Variants in GOLIM4 observed in about 807,000 individuals in gnomAD.
GOLIM4 encodes golgi integral membrane protein 4, also known as 130 kDa golgi-localized phosphoprotein.
Under a neutral mutation model 107.4 loss-of-function variants are expected in GOLIM4, and 71 were observed. The ratio of observed to expected loss-of-function variants is 0.66; its 90% CI spans 0.55 to 0.81. The LOEUF (loss-of-function observed/expected upper bound fraction) is 0.81. GOLIM4 is among the 30% of genes least tolerant of loss of function. The pLI is 0.00. For missense variants in GOLIM4, 830 were observed against 826.1 expected (o/e 1.00, Z -0.06); for synonymous variants, 327 against 294.8 (o/e 1.11, Z -1.12).
At chr3:168,085,625 A>G (rs186988473) in intron 1 of GOLIM4, among the ~76,000 whole-genome samples, 128 of 152,292 alleles carry the variant, frequency 8.4e-4, no homozygotes, top group Admixed American at 1.4e-3. Context: ...AAGCAGGCTG[A>G]GAAAACCACT....
At chr3:168,044,499 G>T (rs1263200142) in intron 4 of GOLIM4, among the ~76,000 whole-genome samples, 1 of 152,026 alleles carries the variant, frequency 6.6e-6, no homozygotes, top group Non-Finnish European at 1.5e-5. Context: ...TAAGATAAAA[G>T]AAAATGTCTA....
At chr3:168,056,030 G>C (rs1719946666) in intron 1 of GOLIM4, among the ~76,000 whole-genome samples, 1 of 152,224 alleles carries the variant, frequency 6.6e-6, no homozygotes, top group South Asian at 2.1e-4. Context: ...GCATGTCAGA[G>C]GTCTTCACAG....
intron 9 of GOLIM4, 113 bp from the exon 10 acceptor site, chr3:168,030,149 T>C: frequency 9.9e-7 from 1 of 1,014,890 alleles, no homozygotes; most frequent in Non-Finnish European, 1.4e-6. Flanking sequence ...TAACGACTAT[T>C]TGTCAGGTGA....
rs1183452020 is a variant in GOLIM4, at chr3:168,025,087, A to G, written c.1632T>C (p.Ala544=). The G allele has an allele frequency of 2.5e-6, 4 of 1,605,014 alleles. No homozygotes were observed. Among genetic ancestry groups the G allele is most frequent in the Non-Finnish European group, 1.7e-6 (2 of 1,176,922 alleles). Reference sequence around the variant, plus strand: ...CATCTGCTGGGTTTATATCTTCTACAGCTGCCCTCTGTAAAATTTTAATAA... The same window carrying G: ...CATCTGCTGGGTTTATATCTTCTACGGCTGCCCTCTGTAAAATTTTAATAA... ...ADPESEADRA[A]VEDINPADDP... Residue 544 remains alanine, a synonymous_variant, in exon 13 of 16, where the codon GCT becomes GCC. Coordinates refer to ENST00000470487, the MANE Select transcript of GOLIM4 (RefSeq NM_014498.5).
intron 7 of GOLIM4, among the ~76,000 whole-genome samples, chr3:168,040,570 G>C (rs992491288): frequency 6.6e-6 from 1 of 152,168 alleles, no homozygotes; most frequent in Non-Finnish European, 1.5e-5. Flanking sequence ...GGAAAGAAAT[G>C]ATCATTTATG....
At chr3:168,031,869 A>G in intron 9 of GOLIM4, among the ~76,000 whole-genome samples, 1 of 150,082 alleles carries the variant, frequency 6.7e-6, no homozygotes, top group East Asian at 1.9e-4. Context: ...AGCTGCACTA[A>G]CTGTTGGTTT....
intron 1 of GOLIM4, among the ~76,000 whole-genome samples, chr3:168,087,384 G>A (rs1219912961): frequency 6.6e-6 from 1 of 152,140 alleles, no homozygotes; most frequent in Admixed American, 6.6e-5. Flanking sequence ...CTAGGAGAGA[G>A]ATTCTAGCAT....
intron 12 of GOLIM4, 24 bp from the exon 13 acceptor site, chr3:168,025,119 A>G: frequency 1.3e-6 from 2 of 1,580,630 alleles, no homozygotes; most frequent in Non-Finnish European, 1.7e-6. Context: ...ATAAAAAGCA[A>G]CTATCACTTC....
intron 5 of GOLIM4, 129 bp downstream of exon 5, chr3:168,043,250 A>T: frequency 1.5e-6 from 1 of 645,716 alleles, no homozygotes; most frequent in Non-Finnish European, 2.6e-6. Flanking sequence ...ACAAAGAAAA[A>T]GTGACTGGTA....
chr3:168,030,588 G>C (rs182039774), intron 9 of GOLIM4, among the ~76,000 whole-genome samples: 7 of 141,366 alleles, frequency 5.0e-5, no homozygotes, highest in Admixed American at 2.8e-4. Context: ...AAGAAACTAA[G>C]AATGGCTGAG....
intron 12 of GOLIM4, 21 bp downstream of exon 12, chr3:168,027,707 G>C: frequency 7.2e-7 from 1 of 1,383,964 alleles, no homozygotes; most frequent in Non-Finnish European, 1.0e-6. Flanking sequence ...ATGTGTCAGG[G>C]GCAGAAGAGA....
chr3:168,011,316 A>G (rs1455439369), intron 14 of GOLIM4, among the ~76,000 whole-genome samples: 2 of 152,316 alleles, frequency 1.3e-5, no homozygotes, highest in East Asian at 1.9e-4. Flanking sequence ...ACTCCCACCC[A>G]AATACTGCGC....
At chr3:168,080,204 C>A (rs1290612087) in intron 1 of GOLIM4, among the ~76,000 whole-genome samples, 1 of 152,138 alleles carries the variant, frequency 6.6e-6, no homozygotes, top group Admixed American at 6.5e-5. Flanking sequence ...CTGCCATTAA[C>A]AAGCTGGGAG....
intron 14 of GOLIM4, among the ~76,000 whole-genome samples, chr3:168,018,833 A>G (rs1304919951): frequency 3.3e-5 from 5 of 152,150 alleles, no homozygotes; most frequent in Non-Finnish European, 7.4e-5. Flanking sequence ...AGACTGGGGG[A>G]AAAAACAGCC....
intron 1 of GOLIM4, among the ~76,000 whole-genome samples, chr3:168,084,912 G>C (rs955023475): frequency 1.3e-5 from 2 of 151,840 alleles, no homozygotes; most frequent in Non-Finnish European, 2.9e-5. Context: ...ACCACACTTA[G>C]GTGTAGTTAA....
intron 1 of GOLIM4, among the ~76,000 whole-genome samples, chr3:168,068,474 A>G (rs60344432): frequency 0.011 from 1,675 of 152,308 alleles, 30 homozygotes; most frequent in African/African-American, 0.038. Flanking sequence ...CTTACTGTTT[A>G]TACGTCAACT....
intron 14 of GOLIM4, among the ~76,000 whole-genome samples, chr3:168,015,050 CAGG>C (rs1386329803): frequency 6.6e-6 from 1 of 151,164 alleles, no homozygotes; most frequent in Non-Finnish European, 1.5e-5. Context: ...GGCAATTAGG[CAGG>C]AGAAGGAAAT....
Position 168,095,557 on chromosome 3 carries a change from C to T in GOLIM4, c.-272G>A, listed in dbSNP as rs370554540. ...CCCGGGGCCGGGAGGAGGCCCTCCG[C>T]ATACTTCAGAGCCGGCTGCCCTCGC... On this transcript the variant is annotated 5_prime_UTR_variant, in exon 1 of 16. The change abolishes an upstream ATG in the 5' untranslated region. Transcript: ENST00000470487. 4 of 448,648 alleles carry T rather than the reference C, an allele frequency of 8.9e-6. No individual in the cohort carries two copies. The highest frequency in any genetic ancestry group is 8.5e-5 in the African/African-American group (4 of 47,158). 27.8% of individuals were successfully genotyped at this position (448,648 alleles called of 1,614,324 possible).
In GOLIM4 at chr3:168,027,791, TGG is replaced by T. The variant is rs1560074399; in HGVS notation, c.1558_1559del (p.Pro520ArgfsTer2). 6.2e-7 allele frequency: 1 copy of T among 1,613,602 alleles called. No homozygotes were observed. The highest frequency in any genetic ancestry group is 8.5e-7 in the Non-Finnish European group (1 of 1,179,548). ...NQHQDEAEGDPGNRHEPREQG... is the reference protein window; with the variant it reads ...NQHQDEAEGDXGNRHEPREQG... ...GTTCACGAGGCTCATGTCTATTACC[TGG>T]ATCTCCTTCTGCTTCATCTTGGTGC... is the stretch of plus-strand genomic sequence containing the variant. On this transcript the variant is annotated frameshift_variant, in exon 12 of 16. Coordinates refer to ENST00000470487, the MANE Select transcript of GOLIM4 (RefSeq NM_014498.5). LOFTEE classifies it high-confidence loss of function.
Sources: allele counts gnomAD v4.1 joint callset (sites outside exome capture counted in the v4.1 genomes callset), GRCh38; gene constraint gnomAD v4.1.1; transcripts MANE v1.5; gene names NCBI Gene and HGNC (gene_info 2026-07-23, HGNC 2026-07-21).